The following CCDC171 variants were observed in gnomAD, a reference collection of about 807,000 sequenced individuals.
CCDC171 encodes coiled-coil domain containing 171, also known as coiled-coil domain-containing protein 171.
In CCDC171, 177 loss-of-function variants were observed where a neutral mutation model predicts 168.2. That is an observed-to-expected ratio of 1.05 (90% CI 0.93 to 1.19). The LOEUF (loss-of-function observed/expected upper bound fraction) is 1.19. CCDC171 is among the 50% of genes most tolerant of loss of function. The pLI is 0.00. For missense variants in CCDC171, 1,991 were observed against 1,539.0 expected, an observed-to-expected ratio of 1.29 and a Z score of -4.91; for synonymous variants, 687 against 540.8, an observed-to-expected ratio of 1.27 and a Z score of -3.75.
intron 6 of CCDC171, among the ~76,000 whole-genome samples, chr9:15,603,621 A>G (rs1312210275): frequency 6.6e-6 from 1 of 152,192 alleles, no homozygotes; most frequent in Non-Finnish European, 1.5e-5. Context: ...TATGGTGTAT[A>G]TATACCACAT....
chr9:15,718,397 A>T (rs2053230261), intron 11 of CCDC171, among the ~76,000 whole-genome samples: 1 of 152,154 alleles, frequency 6.6e-6, no homozygotes, highest in Admixed American at 6.5e-5. Flanking sequence ...GACCTGGGGG[A>T]GCTTGCCATC....
At chr9:15,594,234 A>T (rs1329300216) in intron 6 of CCDC171, 62 bp downstream of exon 6, 1 of 915,950 alleles carries the variant, frequency 1.1e-6, no homozygotes, top group African/African-American at 1.8e-5. Context: ...ATTCAAAATT[A>T]CATTAGTGGG....
chr9:15,900,290 A>G (rs1460054091), intron 24 of CCDC171, among the ~76,000 whole-genome samples: 4 of 152,214 alleles, frequency 2.6e-5, no homozygotes, highest in African/African-American at 9.6e-5. Context: ...GAAAGCAAAC[A>G]GCCATGTTGA....
At chr9:16,039,835 C>A (rs1833544049), upstream of CCDC171, among the ~76,000 whole-genome samples, 1 of 152,194 alleles carries the variant, frequency 6.6e-6, no homozygotes, top group East Asian at 1.9e-4. Flanking sequence ...AGGCAGCCAT[C>A]TTCCTTGCTT....
upstream of CCDC171, among the ~76,000 whole-genome samples, chr9:16,042,052 A>G (rs1440860831): frequency 6.6e-6 from 1 of 152,196 alleles, no homozygotes; most frequent in Non-Finnish European, 1.5e-5. Context: ...TATTGTGCAT[A>G]TTATAACTGC....
intron 18 of CCDC171, among the ~76,000 whole-genome samples, chr9:15,774,703 C>A (rs1402868247): frequency 6.6e-6 from 1 of 152,224 alleles, no homozygotes; most frequent in African/African-American, 2.4e-5. Flanking sequence ...GCGGAACCAG[C>A]TCAGATGCCC....
the CCDC171 span, among the ~76,000 whole-genome samples, chr9:16,090,557 A>T: frequency 6.6e-6 from 1 of 152,226 alleles, no homozygotes; most frequent in Non-Finnish European, 1.5e-5. Flanking sequence ...CCAGAACTTA[A>T]AGTATAATTT....
At chr9:15,610,251 A>C (rs957426977) in intron 6 of CCDC171, among the ~76,000 whole-genome samples, 1 of 147,166 alleles carries the variant, frequency 6.8e-6, no homozygotes, top group African/African-American at 2.5e-5. Flanking sequence ...TTGAGACTGG[A>C]TCTTGCTCTG....
intron 24 of CCDC171, among the ~76,000 whole-genome samples, chr9:15,900,386 T>C (rs1821465762): frequency 1.3e-5 from 2 of 152,000 alleles, no homozygotes; most frequent in Non-Finnish European, 1.5e-5. Context: ...AGCAAGAAAA[T>C]GGGGACTTCT....
intron 6 of CCDC171, among the ~76,000 whole-genome samples, chr9:15,614,649 C>T (rs1166648918): frequency 6.6e-6 from 1 of 152,136 alleles, no homozygotes; most frequent in Non-Finnish European, 1.5e-5. Flanking sequence ...TTTAAATACC[C>T]ATTTCTCTTA....
intron 1 of CCDC171, among the ~76,000 whole-genome samples, chr9:15,556,198 G>A (rs1412850106): frequency 1.3e-5 from 2 of 152,076 alleles, no homozygotes; most frequent in Admixed American, 6.5e-5. Context: ...CGAGAGGTCC[G>A]CTGTTAGTCT....
intron 3 of CCDC171, among the ~76,000 whole-genome samples, chr9:15,990,629 G>A (rs1210522395): frequency 6.6e-6 from 1 of 152,108 alleles, no homozygotes; most frequent in Non-Finnish European, 1.5e-5. Context: ...ACACAGACTG[G>A]CAAACTGGAT....
chr9:15,897,718 T>A (rs1490469104), intron 24 of CCDC171, among the ~76,000 whole-genome samples: 1 of 152,190 alleles, frequency 6.6e-6, no homozygotes, highest in African/African-American at 2.4e-5. Flanking sequence ...AAAGAGAGAA[T>A]ATGGATTCAA....
chr9:15,715,846 ATTATT>A (rs1197268885), intron 11 of CCDC171, among the ~76,000 whole-genome samples: 4 of 152,188 alleles, frequency 2.6e-5, no homozygotes, highest in Non-Finnish European at 5.9e-5. Flanking sequence ...GTTATGAAAA[ATTATT>A]TAGTTTTTGA....
At chr9:15,632,762 C>CTGAA (rs1366364969) in intron 7 of CCDC171, among the ~76,000 whole-genome samples, 1 of 152,244 alleles carries the variant, frequency 6.6e-6, no homozygotes, top group Non-Finnish European at 1.5e-5. Context: ...TGCTACCTGA[C>CTGAA]TTCAAACTAT....
intron 24 of CCDC171, among the ~76,000 whole-genome samples, chr9:15,882,410 T>G (rs1185652): frequency 0.78 from 118,380 of 152,104 alleles, 46,849 homozygotes; most frequent in East Asian, 0.85. Flanking sequence ...CTTTGTTGAT[T>G]GCTTCCTTTG....
At chr9:16,087,871 C>T in the CCDC171 span, among the ~76,000 whole-genome samples, 1 of 152,010 alleles carries the variant, frequency 6.6e-6, no homozygotes, top group South Asian at 2.1e-4. Context: ...TATGTTTTTG[C>T]AGTGGCTGGT....
chr9:15,810,607 C>A (rs922459962), intron 21 of CCDC171, among the ~76,000 whole-genome samples: 124 of 152,320 alleles, frequency 8.1e-4, no homozygotes, highest in African/African-American at 2.9e-3. Flanking sequence ...GCCGGCAGTG[C>A]TGGGGAATCT....
chr9:15,699,659 G>A (rs991934775), intron 11 of CCDC171, among the ~76,000 whole-genome samples: 9 of 152,010 alleles, frequency 5.9e-5, no homozygotes, highest in Non-Finnish European at 8.8e-5. Flanking sequence ...ACAGAGTGTC[G>A]ATTGGTGAAT....
Sources: allele counts gnomAD v4.1 joint callset (sites outside exome capture counted in the v4.1 genomes callset), GRCh38; gene constraint gnomAD v4.1.1; transcripts MANE v1.5; gene names NCBI Gene and HGNC (gene_info 2026-07-23, HGNC 2026-07-21).